DGKI: variants seen among roughly 807,000 people sequenced by gnomAD.
DGKI encodes the protein diacylglycerol kinase iota.
DGKI carries 55 observed loss-of-function variants against 147.5 expected under a neutral mutation model. That is an observed-to-expected ratio of 0.37 (90% confidence interval 0.30 to 0.47). The LOEUF is 0.47. Among genes scored for constraint, DGKI ranks in the 20% least tolerant of loss-of-function variants. The pLI is 1.00. For synonymous variants in DGKI, 469 were observed against 477.1 expected (o/e 0.98, Z 0.22); for missense variants, 1,007 against 1,323.8 (o/e 0.76, Z 3.71).
At chr7:137,603,055 C>G (rs1223268346) in intron 10 of DGKI, among the ~76,000 whole-genome samples, 1 of 151,986 alleles carries the variant, frequency 6.6e-6, no homozygotes, top group Non-Finnish European at 1.5e-5. Context: ...GGGAGTGCAA[C>G]AGGAGAATAC....
intron 6 of DGKI, among the ~76,000 whole-genome samples, chr7:137,638,703 C>T (rs570920147): frequency 1.1e-4 from 15 of 140,674 alleles, no homozygotes; most frequent in East Asian, 4.8e-4. Context: ...TACATATGTA[C>T]GCACATAGAT....
chr7:137,398,194 C>T (rs926159247), intron 30 of DGKI, among the ~76,000 whole-genome samples: 2 of 152,096 alleles, frequency 1.3e-5, no homozygotes, highest in African/African-American at 4.8e-5. Flanking sequence ...ATGTACTGAC[C>T]CTATTTCCTA....
chr7:137,804,596 T>C (rs529558737), intron 1 of DGKI, among the ~76,000 whole-genome samples: 2 of 152,360 alleles, frequency 1.3e-5, no homozygotes, highest in East Asian at 3.9e-4. Context: ...TTTTGGTGTT[T>C]GTGTGCTCAG....
intron 12 of DGKI, among the ~76,000 whole-genome samples, chr7:137,589,395 C>T (rs1819529504): frequency 6.6e-6 from 1 of 152,230 alleles, no homozygotes; most frequent in South Asian, 2.1e-4. Flanking sequence ...AAAATCCAGA[C>T]CTATAAATGT....
At chr7:137,691,879 T>C (rs1289070779) in intron 1 of DGKI, among the ~76,000 whole-genome samples, 1 of 146,920 alleles carries the variant, frequency 6.8e-6, no homozygotes, top group Non-Finnish European at 1.5e-5. Flanking sequence ...TCTTCAGTAG[T>C]TAGAAGCGAT....
chr7:137,658,282 G>T (rs73444554), intron 3 of DGKI, among the ~76,000 whole-genome samples: 6,671 of 152,144 alleles, frequency 0.044, 505 homozygotes, highest in African/African-American at 0.15. Flanking sequence ...GCTCTACAGG[G>T]TAGAGCACCC....
intron 2 of DGKI, among the ~76,000 whole-genome samples, chr7:137,686,642 A>T (rs1823427944): frequency 6.6e-6 from 1 of 152,202 alleles, no homozygotes; most frequent in South Asian, 2.1e-4. Flanking sequence ...TGGAATGCTT[A>T]AAGAGAAGTA....
At chr7:137,582,237 T>C (rs1002606564) in intron 14 of DGKI, among the ~76,000 whole-genome samples, 5 of 152,124 alleles carry the variant, frequency 3.3e-5, no homozygotes, top group Admixed American at 1.3e-4. Flanking sequence ...CTGAAGGATA[T>C]ATATTTGCAA....
intron 29 of DGKI, among the ~76,000 whole-genome samples, chr7:137,408,725 A>C (rs986027509): frequency 1.4e-4 from 22 of 152,220 alleles, no homozygotes; most frequent in Non-Finnish European, 2.6e-4. Context: ...AAAAAAAACA[A>C]AACAGAATTT....
chr7:137,451,470 A>G (rs2128920756), intron 27 of DGKI, among the ~76,000 whole-genome samples: 1 of 152,308 alleles, frequency 6.6e-6, no homozygotes, highest in South Asian at 2.1e-4. Context: ...TTTTCCTTCA[A>G]AGCCTTTTAT....
At chr7:137,466,381 A>G (rs1244463825) in intron 25 of DGKI, among the ~76,000 whole-genome samples, 1 of 152,256 alleles carries the variant, frequency 6.6e-6, no homozygotes, top group Non-Finnish European at 1.5e-5. Flanking sequence ...CATCTGGTCA[A>G]AGCTAAGCAG....
chr7:137,672,458 C>T (rs1318203133), intron 3 of DGKI, among the ~76,000 whole-genome samples: 2 of 152,192 alleles, frequency 1.3e-5, no homozygotes, highest in Non-Finnish European at 2.9e-5. Context: ...ATTTCTCAAA[C>T]ACTTTTCCAC....
chr7:137,582,846 T>C (rs1477479194), intron 14 of DGKI, among the ~76,000 whole-genome samples: 1 of 152,160 alleles, frequency 6.6e-6, no homozygotes, highest in Non-Finnish European at 1.5e-5. Flanking sequence ...TTCTCCCGCT[T>C]TTCCTTCTGC....
chr7:137,412,106 G>A, intron 29 of DGKI, 64 bp downstream of exon 29: 1 of 1,433,464 alleles, frequency 7.0e-7, no homozygotes, highest in African/African-American at 1.4e-5. Context: ...GAGTTTTGAT[G>A]AGGAATGATG....
At chr7:137,692,892 G>A (rs1823661564) in intron 1 of DGKI, among the ~76,000 whole-genome samples, 1 of 152,048 alleles carries the variant, frequency 6.6e-6, no homozygotes, top group Non-Finnish European at 1.5e-5. Flanking sequence ...CATGAAAGTG[G>A]CTGCCAGTTT....
chr7:137,806,426 T>G (rs547903258), intron 1 of DGKI, among the ~76,000 whole-genome samples: 1 of 152,152 alleles, frequency 6.6e-6, no homozygotes, highest in South Asian at 2.1e-4. Flanking sequence ...TATCAGAAAC[T>G]GAACCTTTGC....
chr7:137,534,839 G>A (rs2128958432), intron 20 of DGKI, among the ~76,000 whole-genome samples: 1 of 152,254 alleles, frequency 6.6e-6, no homozygotes, highest in South Asian at 2.1e-4. Context: ...TCTTCAGAAT[G>A]TGACTGTATT....
At chr7:137,783,199 G>A (rs1461757383) in intron 1 of DGKI, among the ~76,000 whole-genome samples, 5 of 152,222 alleles carry the variant, frequency 3.3e-5, no homozygotes, top group South Asian at 4.1e-4. Context: ...ACCAGAGAAA[G>A]GTGTAGTCCA....
At chr7:137,402,853 A>AG (rs1241701066) in intron 30 of DGKI, among the ~76,000 whole-genome samples, 1 of 152,118 alleles carries the variant, frequency 6.6e-6, no homozygotes, top group Non-Finnish European at 1.5e-5. Context: ...AGGCAGAAAA[A>AG]GGGGGGTTAA....
Sources: allele counts gnomAD v4.1 joint callset (sites outside exome capture counted in the v4.1 genomes callset), GRCh38; gene constraint gnomAD v4.1.1; transcripts MANE v1.5; gene names NCBI Gene and HGNC (gene_info 2026-07-23, HGNC 2026-07-21).